The following LAMA1 variants were observed in gnomAD, a reference collection of about 807,000 sequenced individuals.
The protein encoded by LAMA1 is laminin subunit alpha 1.
Under a neutral mutation model 348.7 loss-of-function variants are expected in LAMA1, and 219 were observed. The ratio of observed to expected loss-of-function variants is 0.63; its 90% CI spans 0.56 to 0.70. The LOEUF is 0.70. Among genes scored for constraint, LAMA1 ranks in the 30% least tolerant of loss-of-function variants. The pLI is 0.00. For missense variants in LAMA1, 3,744 were observed against 3,888.0 expected (o/e 0.96, Z 0.99); for synonymous variants, 1,487 against 1,491.0 (o/e 1.00, Z 0.06).
Position 6,956,693 on chromosome 18 carries a change from A to C in LAMA1, c.8037T>G (p.Pro2679=), listed in dbSNP as rs771457768. The C allele has an allele frequency of 2.0e-5, 32 of 1,614,110 alleles. No individual in the cohort carries two copies. The highest frequency in any genetic ancestry group is 2.6e-5 in the Non-Finnish European group (31 of 1,180,042). ...DLDTCWLSER[P]KLAPDAEDSK... ...TGTCCTCTGCATCGGGAGCCAGCTT[A>C]GGCCTTTCTGACAGCCAGCAGGTGT... The change falls in exon 56 of 63, where the codon CCT becomes CCG. Residue 2679 remains proline (P), a synonymous_variant. Coordinates refer to ENST00000389658, the MANE Select transcript of LAMA1 (RefSeq NM_005559.4).
intron 7 of LAMA1, among the ~76,000 whole-genome samples, chr18:7,044,509 C>T (rs372949235): frequency 3.5e-4 from 53 of 151,914 alleles, no homozygotes; most frequent in South Asian, 4.2e-4. Context: ...ATAGACTATA[C>T]GGGAAGGGGG....
chr18:7,044,597 T>G (rs2058034287), intron 7 of LAMA1, 125 bp downstream of exon 7: 1 of 834,316 alleles, frequency 1.2e-6, no homozygotes, highest in Non-Finnish European at 2.1e-6. Context: ...TCTGCAGCTT[T>G]GGAAACTACT....
At chr18:7,063,925 T>C (rs1568052258) in intron 3 of LAMA1, among the ~76,000 whole-genome samples, 1 of 152,132 alleles carries the variant, frequency 6.6e-6, no homozygotes, top group Non-Finnish European at 1.5e-5. Flanking sequence ...GTTCTGGGGA[T>C]GGATGGTGGT....
intron 11 of LAMA1, 162 bp downstream of exon 11, chr18:7,038,648 T>C: frequency 1.1e-6 from 1 of 911,328 alleles, no homozygotes. Context: ...ATAAAGAATC[T>C]TGAGAGGCAG....
At chr18:7,108,018 A>T (rs969038945) in intron 1 of LAMA1, among the ~76,000 whole-genome samples, 2 of 149,100 alleles carry the variant, frequency 1.3e-5, no homozygotes, top group South Asian at 2.1e-4. Flanking sequence ...CGTCTCAAAT[A>T]AAAAAAATAA....
At chr18:6,971,124 C>A (rs939992831) in intron 48 of LAMA1, among the ~76,000 whole-genome samples, 1 of 151,984 alleles carries the variant, frequency 6.6e-6, no homozygotes, top group Middle Eastern at 3.2e-3. Context: ...ATTTCTCTAA[C>A]GGAAAAAAGC....
intron 16 of LAMA1, among the ~76,000 whole-genome samples, chr18:7,029,880 G>T (rs962366735): frequency 6.6e-6 from 1 of 151,398 alleles, no homozygotes; most frequent in Non-Finnish European, 1.5e-5. Context: ...TGTGAATAAA[G>T]AATTAACTCC....
intron 25 of LAMA1, 88 bp downstream of exon 25, chr18:7,011,212 A>T (rs1220072155): frequency 7.0e-7 from 1 of 1,430,948 alleles, no homozygotes; most frequent in African/African-American, 1.4e-5. Context: ...TCTTTAAATG[A>T]CAGGCCGGCC....
intron 3 of LAMA1, among the ~76,000 whole-genome samples, chr18:7,063,102 A>G (rs1381185307): frequency 6.6e-6 from 1 of 152,172 alleles, no homozygotes; most frequent in Non-Finnish European, 1.5e-5. Context: ...CCCAGAAACA[A>G]TAATTATGTG....
intron 55 of LAMA1, chr18:6,957,048 G>A (rs569361193): frequency 1.0e-4 from 41 of 407,904 alleles, no homozygotes; most frequent in African/African-American, 6.6e-4. Context: ...CGATGCCATC[G>A]CCTCCTCCTG....
intron 3 of LAMA1, among the ~76,000 whole-genome samples, chr18:7,053,960 A>G (rs544423417): frequency 1.3e-5 from 2 of 151,952 alleles, no homozygotes; most frequent in South Asian, 4.2e-4. Context: ...TTTGTGTGAC[A>G]GGGTCTCACT....
At chr18:7,008,447 A>G in intron 28 of LAMA1, 41 bp downstream of exon 28, 1 of 1,612,392 alleles carries the variant, frequency 6.2e-7, no homozygotes, top group East Asian at 2.2e-5. Flanking sequence ...GCACATTTCA[A>G]CTCAAACCCA....
intron 55 of LAMA1, 149 bp downstream of exon 55, chr18:6,958,328 T>G (rs575947507): frequency 1.3e-6 from 1 of 777,128 alleles, no homozygotes; most frequent in African/African-American, 1.7e-5. Flanking sequence ...CTGGGGAGAC[T>G]TACATGATAG....
At position 7,007,294 on chromosome 18, in the gene LAMA1, G is replaced by A. The variant is rs751295897; in HGVS notation, c.4123-18C>T. ...GCGCAGTCCTGAGGGGGTGCAAAAGGGAGGACAAAAAAGTCTGATTAATGA... is the reference window on the plus strand; with the variant it reads ...GCGCAGTCCTGAGGGGGTGCAAAAGAGAGGACAAAAAAGTCTGATTAATGA... On this transcript the variant is annotated intron_variant, in intron 28 of 62. Coordinates refer to ENST00000389658, the MANE Select transcript of LAMA1 (RefSeq NM_005559.4). The A allele has an allele frequency of 2.3e-5, 37 of 1,608,750 alleles. No individual in the cohort carries two copies. The Middle Eastern group carries it at 1.3e-3, about 58-fold the overall frequency.
intron 1 of LAMA1, among the ~76,000 whole-genome samples, chr18:7,091,014 T>G (rs1300368159): frequency 6.6e-6 from 1 of 152,312 alleles, no homozygotes; most frequent in South Asian, 2.1e-4. Flanking sequence ...CCACAAATAT[T>G]TTCTGCAGAA....
intron 33 of LAMA1, among the ~76,000 whole-genome samples, chr18:6,997,218 C>T (rs570354785): frequency 2.4e-4 from 37 of 152,176 alleles, no homozygotes; most frequent in East Asian, 1.7e-3. Context: ...CACGCGCCAC[C>T]ACATCCAGCT....
intron 42 of LAMA1, 144 bp from the exon 43 acceptor site, chr18:6,978,522 CTTT>C: frequency 1.3e-6 from 1 of 797,422 alleles, no homozygotes; most frequent in Non-Finnish European, 2.0e-6. Context: ...TGTCTGTTTG[CTTT>C]TTTTTCTTTT....
intron 3 of LAMA1, among the ~76,000 whole-genome samples, chr18:7,077,199 C>CTTTTTTTTTTTTTT (rs71165719): frequency 8.3e-6 from 1 of 119,794 alleles, no homozygotes; most frequent in African/African-American, 3.2e-5. Context: ...CTGTTCTTTT[C>CTTTTTTTTTTTTTT]TTTTTTTTTT....
In LAMA1 at chr18:6,943,384, T is replaced by G. The variant is rs1389582752; in HGVS notation, c.8863A>C (p.Asn2955His). The change falls in exon 62 of 63, where the codon AAT (asparagine) becomes CAT (histidine). Residue 2955 changes from asparagine to histidine, a missense_variant. Physicochemically the swap from Asn to His is moderately conservative, Grantham distance 68 (BLOSUM62 1). This residue lies in a region of LAMA1 where 232 missense variants were observed against 264.4 expected (regional missense o/e 0.88). Transcript: ENST00000389658. ...GCAGCTGTTATCCTGCCAGCACCATTGTTGACATGGAACAAGACCTAAAAG... is the reference window on the plus strand; with the variant it reads ...GCAGCTGTTATCCTGCCAGCACCATGGTTGACATGGAACAAGACCTAAAAG... ...VDGKVLFHVN[N>H]GAGRITAAYE... is the part of the protein sequence containing the mutation. The G allele has an allele frequency of 6.2e-7, 1 of 1,614,166 alleles. No individual in the cohort carries two copies. Among genetic ancestry groups the G allele is most frequent in the South Asian group, 1.1e-5 (1 of 91,072 alleles).
Sources: allele counts gnomAD v4.1 joint callset (sites outside exome capture counted in the v4.1 genomes callset), GRCh38; gene constraint gnomAD v4.1.1; regional missense constraint gnomAD v4.1.1; transcripts MANE v1.5; gene names NCBI Gene and HGNC (gene_info 2026-07-23, HGNC 2026-07-21).